The following R3HDM1 variants were observed in gnomAD, a reference collection of about 807,000 sequenced individuals.
R3HDM1 encodes R3H domain containing 1.
In R3HDM1, 46 loss-of-function variants were observed where a neutral mutation model predicts 141.1. The ratio of observed to expected loss-of-function variants is 0.33; its 90% CI spans 0.26 to 0.42. The LOEUF (loss-of-function observed/expected upper bound fraction) is 0.42. Ranked by LOEUF, R3HDM1 falls within the 10% of genes least tolerant of loss-of-function variation. The pLI, the probability that R3HDM1 is intolerant of heterozygous loss-of-function variation, is 1.00. For missense variants in R3HDM1, 1,184 were observed against 1,368.3 expected (o/e 0.87, Z 2.12); for synonymous variants, 435 against 472.9 (o/e 0.92, Z 1.04).
chr2:135,671,959 G>A (rs928061188), intron 19 of R3HDM1, among the ~76,000 whole-genome samples: 5 of 151,416 alleles, frequency 3.3e-5, no homozygotes, highest in African/African-American at 1.2e-4. Flanking sequence ...CTGGCCGATA[G>A]AGTGAGACTC....
At chr2:135,577,492 A>G (rs2105016800) in intron 1 of R3HDM1, among the ~76,000 whole-genome samples, 1 of 151,612 alleles carries the variant, frequency 6.6e-6, no homozygotes, top group Non-Finnish European at 1.5e-5. Flanking sequence ...GGGAAAAGAC[A>G]TAAATGGACA....
chr2:135,560,494 A>C (rs970459847), intron 1 of R3HDM1, among the ~76,000 whole-genome samples: 1 of 152,096 alleles, frequency 6.6e-6, no homozygotes, highest in African/African-American at 2.4e-5. Context: ...TTGTATTTTT[A>C]GTAGAGACGG....
intron 19 of R3HDM1, chr2:135,667,523 T>A (rs567517470): frequency 1.7e-6 from 1 of 585,674 alleles, no homozygotes; most frequent in Non-Finnish European, 2.1e-6. Context: ...ATAAAAGATA[T>A]AGTGTTTTCC....
At chr2:135,642,152 G>A (rs1414754556) in intron 15 of R3HDM1, among the ~76,000 whole-genome samples, 2 of 151,702 alleles carry the variant, frequency 1.3e-5, no homozygotes, top group Non-Finnish European at 2.9e-5. Context: ...TTTATACTTG[G>A]GAAAATCGGA....
intron 1 of R3HDM1, chr2:135,586,617 T>C: frequency 1.2e-6 from 1 of 810,376 alleles, no homozygotes; most frequent in Non-Finnish European, 1.5e-6. Flanking sequence ...GATAAAATTC[T>C]ACTATATTGA....
chr2:135,645,193 G>T (rs748383482), intron 15 of R3HDM1, 186 bp from the exon 16 acceptor site: 19 of 451,612 alleles, frequency 4.2e-5, no homozygotes, highest in Non-Finnish European at 5.9e-5. Flanking sequence ...GGGAAATAAA[G>T]ACTATTAATA....
intron 19 of R3HDM1, among the ~76,000 whole-genome samples, chr2:135,661,801 T>C (rs1381340179): frequency 1.3e-5 from 2 of 152,204 alleles, no homozygotes; most frequent in South Asian, 4.1e-4. Context: ...TTGAGAACCC[T>C]AGTCTAGGGA....
intron 21 of R3HDM1, among the ~76,000 whole-genome samples, chr2:135,696,206 C>T (rs1442413261): frequency 2.0e-5 from 3 of 151,730 alleles, no homozygotes; most frequent in Admixed American, 6.6e-5. Context: ...TTATCCTGAG[C>T]GAAAAAAGAA....
chr2:135,707,338 T>G (rs2075077846), intron 21 of R3HDM1, among the ~76,000 whole-genome samples: 1 of 152,206 alleles, frequency 6.6e-6, no homozygotes, highest in Non-Finnish European at 1.5e-5. Flanking sequence ...TCTAAAGTGT[T>G]TAAGTGATTT....
intron 7 of R3HDM1, among the ~76,000 whole-genome samples, chr2:135,624,746 T>C (rs895169390): frequency 1.3e-5 from 2 of 152,200 alleles, no homozygotes; most frequent in Non-Finnish European, 2.9e-5. Context: ...TTTGGTGTTT[T>C]AGAAAGATTA....
chr2:135,648,234 A>G (rs933855974), intron 16 of R3HDM1, among the ~76,000 whole-genome samples: 2 of 152,096 alleles, frequency 1.3e-5, no homozygotes, highest in African/African-American at 4.8e-5. Context: ...TTACTGAAAG[A>G]TTTTTTTAAT....
At chr2:135,553,835 C>T (rs1403898452) in intron 1 of R3HDM1, among the ~76,000 whole-genome samples, 1 of 152,206 alleles carries the variant, frequency 6.6e-6, no homozygotes, top group African/African-American at 2.4e-5. Flanking sequence ...GGATTACAGG[C>T]GTGAGCCACC....
rs1272738835 is a variant in R3HDM1 at position 135,652,023 on chromosome 2, A to G, written c.2019A>G (p.Pro673=). 2 of 1,591,892 alleles carry G rather than the reference A, an allele frequency of 1.3e-6. No individual in the cohort carries two copies. The highest frequency in any genetic ancestry group is 1.7e-6 in the Non-Finnish European group (2 of 1,167,706). ...VLQQQGYIQQ[P]SPQMPACYCA... is the part of the protein sequence containing the mutation. ...AGCAGCAGGGATATATTCAGCAGCC[A>G]TCACCACAGGTATATTGCTTTTTAA... is the stretch of plus-strand genomic sequence containing the variant. Residue 673 remains proline (P), a synonymous_variant, in exon 18 of 27, where the codon CCA becomes CCG. Transcript: ENST00000683871.
chr2:135,616,884 C>A, intron 5 of R3HDM1, 127 bp downstream of exon 5: 1 of 777,904 alleles, frequency 1.3e-6, no homozygotes, highest in South Asian at 2.0e-5. Context: ...TAATACTTGG[C>A]ACCCAAGAGA....
intron 1 of R3HDM1, among the ~76,000 whole-genome samples, chr2:135,572,344 C>T (rs909495519): frequency 6.6e-6 from 1 of 152,114 alleles, no homozygotes; most frequent in Non-Finnish European, 1.5e-5. Context: ...ACACATAACC[C>T]AATTTAAAAG....
chr2:135,534,557 T>C (rs991361018), intron 1 of R3HDM1, among the ~76,000 whole-genome samples: 3 of 152,224 alleles, frequency 2.0e-5, no homozygotes, highest in Admixed American at 1.3e-4. Flanking sequence ...TAAACAAATT[T>C]AAGGTTAGCA....
chr2:135,627,585 T>C (rs1302151052), intron 7 of R3HDM1, among the ~76,000 whole-genome samples: 2 of 152,084 alleles, frequency 1.3e-5, no homozygotes, highest in Non-Finnish European at 2.9e-5. Flanking sequence ...TTTAGCCATA[T>C]TGTATAAATT....
At chr2:135,719,846 CTTT>C (rs1336561501) in intron 24 of R3HDM1, among the ~76,000 whole-genome samples, 1 of 144,440 alleles carries the variant, frequency 6.9e-6, no homozygotes. Context: ...ATTTTCTTTT[CTTT>C]TTTTTTTTTG....
chr2:135,538,767 C>T (rs190037294), intron 1 of R3HDM1, among the ~76,000 whole-genome samples: 1 of 152,266 alleles, frequency 6.6e-6, no homozygotes, highest in East Asian at 1.9e-4. Context: ...GTGCCCACCA[C>T]CATGCCCGGC....
Sources: gnomAD v4.1 joint callset for allele counts (sites outside exome capture counted in the v4.1 genomes callset) on GRCh38, gnomAD v4.1.1 for gene constraint, MANE v1.5 for transcripts, NCBI Gene and HGNC (gene_info 2026-07-23, HGNC 2026-07-21) for gene names.